AK5: variants seen among roughly 807,000 people sequenced by gnomAD.
AK5 encodes adenylate kinase isoenzyme 5.
In AK5, 27 loss-of-function variants were observed where a neutral mutation model predicts 69.5. That is an observed-to-expected ratio of 0.39 (90% CI 0.29 to 0.54). The LOEUF (loss-of-function observed/expected upper bound fraction) is 0.54. Ranked by LOEUF, AK5 falls within the 20% of genes least tolerant of loss-of-function variation. The pLI, the probability that AK5 is intolerant of heterozygous loss-of-function variation, is 0.71. For missense variants in AK5, 531 were observed against 700.4 expected, an observed-to-expected ratio of 0.76 and a Z score of 2.73; for synonymous variants, 260 against 244.4, an observed-to-expected ratio of 1.06 and a Z score of -0.60.
intron 5 of AK5, among the ~76,000 whole-genome samples, chr1:77,332,621 T>TTATG (rs908544232): frequency 2.0e-5 from 3 of 149,500 alleles, no homozygotes; most frequent in African/African-American, 7.4e-5. Flanking sequence ...ATTTATTTAT[T>TTATG]TATTTATTTA....
intron 8 of AK5, among the ~76,000 whole-genome samples, chr1:77,482,309 T>C (rs1176754592): frequency 6.6e-6 from 1 of 152,188 alleles, no homozygotes; most frequent in Non-Finnish European, 1.5e-5. Flanking sequence ...TAAAATGTTT[T>C]TCTGAATTTT....
At chr1:77,552,535 T>C (rs771520569) in intron 13 of AK5, among the ~76,000 whole-genome samples, 1 of 152,158 alleles carries the variant, frequency 6.6e-6, no homozygotes, top group Admixed American at 6.5e-5. Flanking sequence ...GGGAAGGTAA[T>C]ACAGAAAGAG....
intron 8 of AK5, among the ~76,000 whole-genome samples, chr1:77,438,097 G>T (rs778018116): frequency 6.6e-6 from 1 of 151,914 alleles, no homozygotes; most frequent in Non-Finnish European, 1.5e-5. Flanking sequence ...TAATTTGAAA[G>T]CCCTCTCTTT....
Position 77,345,522 on chromosome 1 carries a change from C to G in AK5, c.891+4954C>G, listed in dbSNP as rs146454851. 3.2e-3 allele frequency among the ~76,000 whole-genome samples: 485 copies of G among 152,234 alleles called. 2 individuals are homozygous for G. The highest frequency in any genetic ancestry group is 0.011 in the African/African-American group (460 of 41,546). On this transcript the variant is annotated intron_variant, in intron 6 of 13. Transcript: ENST00000354567. The stretch of plus-strand genomic sequence containing the variant: ...TATTTTTTAAGTAGGGGTGAGATGA[C>G]TTTTTAATTTTACGAAGTGAAGGCA...
intron 5 of AK5, among the ~76,000 whole-genome samples, chr1:77,332,242 CT>C (rs1320447799): frequency 6.6e-6 from 1 of 152,016 alleles, no homozygotes; most frequent in Non-Finnish European, 1.5e-5. Flanking sequence ...TGCCTTTCCT[CT>C]TTTTCTTCAT....
chr1:77,426,446 GTA>G (rs1484732894), intron 8 of AK5, among the ~76,000 whole-genome samples: 2 of 152,182 alleles, frequency 1.3e-5, no homozygotes, highest in Non-Finnish European at 2.9e-5. Context: ...TTCTTAATGT[GTA>G]TGTGCCTAAC....
Position 77,455,471 on chromosome 1 carries a change from C to G in AK5, c.1060-27846C>G, listed in dbSNP as rs374234468. 2.0e-5 allele frequency among the ~76,000 whole-genome samples: 3 copies of G among 152,232 alleles called. No homozygotes were observed. The South Asian group carries it at 6.2e-4, about 32-fold the overall frequency. On this transcript the variant is annotated intron_variant, in intron 8 of 13. Coordinates refer to ENST00000354567, the MANE Select transcript of AK5 (RefSeq NM_174858.3). Reference sequence around the variant, plus strand: ...TGAAGAGGGGAAGCCCCTAAAACAGCAAGTAATTCCTCAATATAAGTTTTG... The same window carrying G: ...TGAAGAGGGGAAGCCCCTAAAACAGGAAGTAATTCCTCAATATAAGTTTTG...
intron 6 of AK5, among the ~76,000 whole-genome samples, chr1:77,360,696 A>C (rs1471238261): frequency 6.6e-6 from 1 of 152,164 alleles, no homozygotes; most frequent in Non-Finnish European, 1.5e-5. Flanking sequence ...GAGAGACTTG[A>C]GCATGCTTCA....
Position 77,362,383 on chromosome 1 carries a change from C to A in AK5, c.891+21815C>A, listed in dbSNP as rs564134269. Reference sequence around the variant, plus strand: ...GTTCAATACTTTAATACTTTAAAACCGCCATTATCTGTCCAAGCATATATT... The same window carrying A: ...GTTCAATACTTTAATACTTTAAAACAGCCATTATCTGTCCAAGCATATATT... On this transcript the variant is annotated intron_variant, in intron 6 of 13. Transcript: ENST00000354567. Among the ~76,000 whole-genome samples, 10 of 152,096 alleles carry A rather than the reference C, an allele frequency of 6.6e-5. No homozygotes were observed. The South Asian group carries it at 1.7e-3, about 25-fold the overall frequency.
At chr1:77,406,325 G>A (rs1649632923) in intron 6 of AK5, among the ~76,000 whole-genome samples, 3 of 150,452 alleles carry the variant, frequency 2.0e-5, no homozygotes, top group Non-Finnish European at 3.0e-5. Flanking sequence ...TCCAGGCCAC[G>A]GTGCAGGAAA....
chr1:77,304,269 T>G (rs941412283), intron 5 of AK5, among the ~76,000 whole-genome samples: 1 of 152,200 alleles, frequency 6.6e-6, no homozygotes, highest in African/African-American at 2.4e-5. Context: ...TGAGAACATG[T>G]GATGTTTGTC....
rs199723351 is a variant in AK5 at position 77,521,871 on chromosome 1, C to G, written c.1356C>G (p.Leu452=). Residue 452 remains leucine, a synonymous_variant, in exon 12 of 14, where the codon CTC becomes CTG. Transcript: ENST00000354567. ...TGAAGGAGGCCATGGTGGCCAGCCT[C>G]GGGGACACCAGGGGCTTCCTGATTG... The part of the protein sequence containing the change: ...ELLKEAMVAS[L]GDTRGFLIDG... 1.2e-6 allele frequency: 2 copies of G among 1,613,696 alleles called. No individual in the cohort carries two copies. The highest frequency in any genetic ancestry group is 1.7e-6 in the Non-Finnish European group (2 of 1,179,956).
intron 13 of AK5, among the ~76,000 whole-genome samples, chr1:77,538,662 A>C (rs927230237): frequency 1.3e-5 from 2 of 152,166 alleles, no homozygotes; most frequent in African/African-American, 2.4e-5. Flanking sequence ...AATAAAAAAA[A>C]AAATTAAAAA....
At chr1:77,471,426 A>G (rs1654506823) in intron 8 of AK5, among the ~76,000 whole-genome samples, 3 of 152,232 alleles carry the variant, frequency 2.0e-5, no homozygotes, top group Non-Finnish European at 4.4e-5. Flanking sequence ...TGACAGAAAC[A>G]TTCATTCAGG....
chr1:77,363,071 A>C (rs1220587994), intron 6 of AK5, among the ~76,000 whole-genome samples: 2 of 152,100 alleles, frequency 1.3e-5, no homozygotes. Context: ...TGAACTCTGG[A>C]GTCCTATATG....
chr1:77,333,140 T>C (rs1042618529), intron 5 of AK5, among the ~76,000 whole-genome samples: 1 of 152,216 alleles, frequency 6.6e-6, no homozygotes, highest in Admixed American at 6.5e-5. Context: ...TTGTTTAGTG[T>C]CTTCATGGTA....
At position 77,390,659 on chromosome 1, in the gene AK5, T is replaced by C. The variant is rs150022238; in HGVS notation, c.892-20322T>C. 3.4e-3 allele frequency among the ~76,000 whole-genome samples: 525 copies of C among 152,348 alleles called. 4 individuals are homozygous for C. The highest frequency in any genetic ancestry group is 0.012 in the African/African-American group (504 of 41,592). On this transcript the variant is annotated intron_variant, in intron 6 of 13. Coordinates refer to ENST00000354567, the MANE Select transcript of AK5 (RefSeq NM_174858.3). ...TTTAAAAAGTAGAAAGGATTTTATT[T>C]CAACTTTGGAAGAACATAGGAAATA...
chr1:77,521,919 G>A lies in AK5; in HGVS notation c.1404G>A (p.Lys468=). ...TTGACGGCTATCCTCGGGAGGTGAAGCAAGGGGAAGAGTTCGGACGCAGGG... is the reference window on the plus strand; with the variant it reads ...TTGACGGCTATCCTCGGGAGGTGAAACAAGGGGAAGAGTTCGGACGCAGGG... ...FLIDGYPREV[K]QGEEFGRRIG... is the part of the protein sequence containing the mutation. Residue 468 remains lysine (K), a synonymous_variant, in exon 12 of 14, where the codon AAG becomes AAA. Transcript: ENST00000354567. 1 of 1,612,324 alleles carries A rather than the reference G, an allele frequency of 6.2e-7. No individual in the cohort carries two copies. Among genetic ancestry groups the A allele is most frequent in the Non-Finnish European group, 8.5e-7 (1 of 1,179,372 alleles).
In AK5 at chr1:77,558,916, C is replaced by G. The variant is rs1183808985; in HGVS notation, c.*246C>G. 1 of 465,736 alleles carries G rather than the reference C, an allele frequency of 2.1e-6. No individual in the cohort carries two copies. The highest frequency in any genetic ancestry group is 3.9e-6 in the Non-Finnish European group (1 of 254,854). The allele number at this position is 465,736 out of a possible 1,614,324, so 28.9% of individuals were successfully genotyped here. ...CAGACAACTGTCTGCACTCACGGCA[C>G]ACACACTTTGTATCATGCAGGCCAC... On this transcript the variant is annotated 3_prime_UTR_variant, in exon 14 of 14. Transcript: ENST00000354567.
Sources: allele counts gnomAD v4.1 joint callset (sites outside exome capture counted in the v4.1 genomes callset), GRCh38; gene constraint gnomAD v4.1.1; transcripts MANE v1.5; gene names NCBI Gene and HGNC (gene_info 2026-07-23, HGNC 2026-07-21).